The following GBE1 variants were observed in gnomAD, a reference collection of about 807,000 sequenced individuals.
GBE1 encodes 1,4-alpha-glucan branching enzyme 1.
Under a neutral mutation model 88.8 loss-of-function variants are expected in GBE1, and 70 were observed. The observed-to-expected ratio is 0.79, with a 90% confidence interval of 0.65 to 0.96. GBE1 has a LOEUF of 0.96. GBE1 is among the 40% of genes least tolerant of loss of function. GBE1 has a pLI of 0.00. For synonymous variants in GBE1, 284 were observed against 300.1 expected (o/e 0.95, Z 0.56); for missense variants, 872 against 871.0 (o/e 1.00, Z -0.01).
intron 2 of GBE1, among the ~76,000 whole-genome samples, chr3:81,694,958 G>A (rs539374998): frequency 1.3e-5 from 2 of 152,068 alleles, no homozygotes; most frequent in East Asian, 1.9e-4. Context: ...GTTCACAGTC[G>A]CCAAGACAAT....
chr3:81,499,041 G>T (rs1202655710), intron 15 of GBE1, 69 bp downstream of exon 15: 13 of 880,010 alleles, frequency 1.5e-5, no homozygotes, highest in Non-Finnish European at 2.0e-5. Flanking sequence ...TTGTTTATTT[G>T]AACAAAAACA....
intron 7 of GBE1, among the ~76,000 whole-genome samples, chr3:81,618,994 C>T (rs1481238543): frequency 6.6e-6 from 1 of 152,132 alleles, no homozygotes; most frequent in African/African-American, 2.4e-5. Flanking sequence ...AAAAATGACT[C>T]TTTAAATTAT....
rs1463161935 is a variant in GBE1, at chr3:81,514,338, A to T, written c.1935-15111T>A. ...TGTGACAATAAAACGTACTGAGTGTAATCATTTCATTCAGTTATATGTTAA... is the reference window on the plus strand; with the variant it reads ...TGTGACAATAAAACGTACTGAGTGTTATCATTTCATTCAGTTATATGTTAA... On this transcript the variant is annotated intron_variant, in intron 14 of 15. Transcript: ENST00000429644. 4.0e-5 allele frequency among the ~76,000 whole-genome samples: 6 copies of T among 151,754 alleles called. No individual in the cohort carries two copies. The East Asian group carries it at 1.2e-3, about 29-fold the overall frequency.
chr3:81,661,327 G>C (rs961129343), intron 3 of GBE1, among the ~76,000 whole-genome samples: 1 of 152,064 alleles, frequency 6.6e-6, no homozygotes, highest in African/African-American at 2.4e-5. Context: ...TTTACATTAA[G>C]GGATCAATCA....
In GBE1 at chr3:81,552,013, T is replaced by C. The variant is rs190914969; in HGVS notation, c.1619-14918A>G. ...CCTGCTCTCCCAGTCCTCCCCCTGA[T>C]AAATTATGTGTAACATCTTGAAGTA... On this transcript the variant is annotated intron_variant, in intron 12 of 15. Transcript: ENST00000429644. Among the ~76,000 whole-genome samples the C allele has an allele frequency of 2.5e-4, 38 of 152,330 alleles. 1 individual carries two copies. The highest frequency in any genetic ancestry group is 3.9e-4 in the East Asian group (2 of 5,184).
intron 2 of GBE1, among the ~76,000 whole-genome samples, chr3:81,695,946 C>T (rs1414311897): frequency 6.6e-6 from 1 of 152,096 alleles, no homozygotes; most frequent in East Asian, 1.9e-4. Flanking sequence ...AGGGGGGTCT[C>T]TGGCAGTCAT....
chr3:81,507,493 G>A (rs968776049), intron 14 of GBE1, among the ~76,000 whole-genome samples: 2 of 152,018 alleles, frequency 1.3e-5, no homozygotes, highest in Admixed American at 6.6e-5. Flanking sequence ...GAACCTGGGA[G>A]GTGGAGCTTG....
intron 2 of GBE1, among the ~76,000 whole-genome samples, chr3:81,684,037 T>C (rs923398551): frequency 5.9e-5 from 9 of 152,198 alleles, no homozygotes; most frequent in Admixed American, 5.9e-4. Flanking sequence ...TAGTTATGGA[T>C]TGTCCTTAGT....
At chr3:81,711,661 G>A (rs1034166651) in intron 1 of GBE1, among the ~76,000 whole-genome samples, 7 of 152,052 alleles carry the variant, frequency 4.6e-5, no homozygotes, top group African/African-American at 1.7e-4. Flanking sequence ...AATTCAAAAT[G>A]GATTAAAGAC....
intron 1 of GBE1, among the ~76,000 whole-genome samples, chr3:81,718,606 A>T (rs1705976331): frequency 1.3e-5 from 2 of 152,130 alleles, no homozygotes; most frequent in African/African-American, 4.8e-5. Context: ...CATTCTTAAT[A>T]TCACTCCAAT....
chr3:81,602,634 G>A (rs1365350512), intron 7 of GBE1, among the ~76,000 whole-genome samples: 1 of 152,000 alleles, frequency 6.6e-6, no homozygotes, highest in African/African-American at 2.4e-5. Context: ...CCCTCCCAAA[G>A]GCCCCACTTC....
intron 7 of GBE1, among the ~76,000 whole-genome samples, chr3:81,608,030 C>A (rs186486850): frequency 5.3e-5 from 8 of 152,328 alleles, no homozygotes; most frequent in African/African-American, 1.7e-4. Flanking sequence ...ATTAACCCCA[C>A]AAGTCCTTAG....
At chr3:81,670,166 A>C (rs1207545574) in intron 3 of GBE1, among the ~76,000 whole-genome samples, 1 of 152,206 alleles carries the variant, frequency 6.6e-6, no homozygotes, top group African/African-American at 2.4e-5. Context: ...CAGACTTTGG[A>C]ACCCATCCTT....
chr3:81,591,841 G>T (rs1016716468), intron 8 of GBE1, among the ~76,000 whole-genome samples: 70 of 151,680 alleles, frequency 4.6e-4, no homozygotes, highest in African/African-American at 1.6e-3. Flanking sequence ...CTACATCTAA[G>T]TTCTATTGAT....
chr3:81,511,913 G>C (rs891894623), intron 14 of GBE1, among the ~76,000 whole-genome samples: 2 of 151,124 alleles, frequency 1.3e-5, no homozygotes, highest in Non-Finnish European at 3.0e-5. Context: ...ATCACAATAC[G>C]ATTTACAATA....
intron 1 of GBE1, among the ~76,000 whole-genome samples, chr3:81,735,897 T>G (rs1421107153): frequency 1.3e-5 from 2 of 152,114 alleles, no homozygotes; most frequent in African/African-American, 4.8e-5. Context: ...AATGGCCAAT[T>G]TATTGTATGC....
chr3:81,597,708 T>A (rs1399437208), intron 7 of GBE1, among the ~76,000 whole-genome samples: 1 of 151,702 alleles, frequency 6.6e-6, no homozygotes, highest in East Asian at 1.9e-4. Flanking sequence ...GAAATGCAGT[T>A]GACTTTCTTT....
chr3:81,697,576 A>T (rs1346114522), intron 2 of GBE1, among the ~76,000 whole-genome samples: 1 of 152,188 alleles, frequency 6.6e-6, no homozygotes. Flanking sequence ...CTGGGATTAC[A>T]GGCGTGAGCC....
intron 2 of GBE1, among the ~76,000 whole-genome samples, chr3:81,674,586 A>G (rs1422074306): frequency 6.6e-6 from 1 of 151,934 alleles, no homozygotes; most frequent in Non-Finnish European, 1.5e-5. Flanking sequence ...AGAAGGCAAA[A>G]TAATATAAGC....
Sources: allele counts gnomAD v4.1 joint callset (sites outside exome capture counted in the v4.1 genomes callset), GRCh38; gene constraint gnomAD v4.1.1; transcripts MANE v1.5; gene names NCBI Gene and HGNC (gene_info 2026-07-23, HGNC 2026-07-21).